Variants in GALNT17 observed in about 807,000 individuals in gnomAD.
GALNT17 encodes UDP-GalNAc:polypeptide N-acetylgalactosaminyltransferase-like 3.
Under a neutral mutation model 63.7 loss-of-function variants are expected in GALNT17, and 29 were observed. The observed-to-expected ratio is 0.46, with a 90% CI of 0.34 to 0.62. The LOEUF is 0.62. Among genes scored for constraint, GALNT17 ranks in the 20% least tolerant of loss-of-function variants. The probability of loss-of-function intolerance (pLI) is 0.01; values close to 1 mark genes in which losing one functional copy is unlikely to be tolerated. For synonymous variants in GALNT17, 305 were observed against 318.3 expected (o/e 0.96, Z 0.45); for missense variants, 603 against 799.6 (o/e 0.75, Z 2.97).
chr7:71,641,639 C>G (rs1380712754), intron 6 of GALNT17, among the ~76,000 whole-genome samples: 1 of 152,030 alleles, frequency 6.6e-6, no homozygotes, highest in Non-Finnish European at 1.5e-5. Context: ...AGGACCTAAT[C>G]ACCTCCCAAA....
chr7:71,507,199 A>C (rs188248551), intron 5 of GALNT17, among the ~76,000 whole-genome samples: 1 of 152,312 alleles, frequency 6.6e-6, no homozygotes, highest in East Asian at 1.9e-4. Flanking sequence ...ACACCACAGC[A>C]CTCCAGCCAG....
chr7:71,171,994 A>C (rs1311698847), intron 1 of GALNT17, among the ~76,000 whole-genome samples: 1 of 152,202 alleles, frequency 6.6e-6, no homozygotes, highest in Non-Finnish European at 1.5e-5. Flanking sequence ...CTTCAGGATT[A>C]ATTCTTTTCA....
Position 71,665,428 on chromosome 7 carries a change from C to T in GALNT17, c.1098C>T (p.Gly366=), listed in dbSNP as rs1790969868. Residue 366 remains glycine, a synonymous_variant, in exon 7 of 11, where the codon GGC becomes GGT. Transcript: ENST00000333538. The stretch of plus-strand genomic sequence containing the variant: ...ACCCCTAGGTATGGCTCTGTGGGGG[C>T]AGCATGGAGGTCCTTCCTTGCTCAC... ...ELGIKVWLCG[G]SMEVLPCSRV... is the part of the protein sequence containing the mutation. The T allele has an allele frequency of 1.2e-6, 2 of 1,610,810 alleles. No individual in the cohort carries two copies. Among genetic ancestry groups the T allele is most frequent in the South Asian group, 2.2e-5 (2 of 90,798 alleles).
intron 5 of GALNT17, among the ~76,000 whole-genome samples, chr7:71,428,978 C>T (rs535295171): frequency 2.6e-5 from 4 of 152,360 alleles, no homozygotes; most frequent in African/African-American, 4.8e-5. Flanking sequence ...ACTCTCGTCC[C>T]TCCCTTCAGG....
intron 1 of GALNT17, among the ~76,000 whole-genome samples, chr7:71,182,067 C>T (rs1244059765): frequency 6.6e-6 from 1 of 152,066 alleles, no homozygotes; most frequent in Non-Finnish European, 1.5e-5. Flanking sequence ...CTCAGCTACT[C>T]GGGAGGCTGA....
chr7:71,510,131 G>A (rs1172415837), intron 5 of GALNT17, among the ~76,000 whole-genome samples: 2 of 152,052 alleles, frequency 1.3e-5, no homozygotes, highest in African/African-American at 4.8e-5. Flanking sequence ...ATATTTTGTA[G>A]AGATGGGGCC....
At chr7:71,174,265 C>G (rs1190157883) in intron 1 of GALNT17, among the ~76,000 whole-genome samples, 2 of 152,136 alleles carry the variant, frequency 1.3e-5, no homozygotes, top group East Asian at 3.9e-4. Context: ...GTGTTGATAC[C>G]TTCATAGGTT....
At chr7:71,175,421 C>T (rs144857772) in intron 1 of GALNT17, among the ~76,000 whole-genome samples, 1 of 152,170 alleles carries the variant, frequency 6.6e-6, no homozygotes, top group Non-Finnish European at 1.5e-5. Flanking sequence ...TCTGTATCAT[C>T]TATCTATCTT....
intron 6 of GALNT17, among the ~76,000 whole-genome samples, chr7:71,609,425 C>T (rs1266586130): frequency 6.6e-6 from 1 of 152,126 alleles, no homozygotes; most frequent in African/African-American, 2.4e-5. Flanking sequence ...ATGCATCAGG[C>T]GAATGGGAGT....
At chr7:71,327,734 G>T (rs1487510554) in intron 1 of GALNT17, among the ~76,000 whole-genome samples, 1 of 152,110 alleles carries the variant, frequency 6.6e-6, no homozygotes, top group Non-Finnish European at 1.5e-5. Flanking sequence ...ATGACCCCAG[G>T]GCTAGCAACA....
intron 1 of GALNT17, among the ~76,000 whole-genome samples, chr7:71,212,820 A>T (rs558324070): frequency 6.6e-6 from 1 of 152,102 alleles, no homozygotes; most frequent in Admixed American, 6.5e-5. Context: ...AATTTCTCCC[A>T]TTTGGAACAG....
chr7:71,596,893 A>G (rs964561849), intron 6 of GALNT17, among the ~76,000 whole-genome samples: 1 of 152,042 alleles, frequency 6.6e-6, no homozygotes, highest in Admixed American at 6.6e-5. Flanking sequence ...TGTGTACAAC[A>G]AAATGACAGA....
intron 1 of GALNT17, among the ~76,000 whole-genome samples, chr7:71,261,522 A>G (rs932386886): frequency 6.6e-6 from 1 of 152,224 alleles, no homozygotes; most frequent in Admixed American, 6.5e-5. Flanking sequence ...TAGAAGTGTC[A>G]AGAGATGCAT....
intron 2 of GALNT17, among the ~76,000 whole-genome samples, chr7:71,383,314 C>T (rs959983369): frequency 6.6e-6 from 1 of 152,160 alleles, no homozygotes; most frequent in Non-Finnish European, 1.5e-5. Context: ...CATAAAATGA[C>T]ATAATATTTG....
chr7:71,303,731 T>A (rs3923569), intron 1 of GALNT17, among the ~76,000 whole-genome samples: 103,064 of 151,782 alleles, frequency 0.68, 35,209 homozygotes, highest in Middle Eastern at 0.74. Flanking sequence ...TGGGCTGGAC[T>A]CCCCTCTAAA....
At chr7:71,141,690 T>A in intron 1 of GALNT17, among the ~76,000 whole-genome samples, 1 of 151,152 alleles carries the variant, frequency 6.6e-6, no homozygotes, top group East Asian at 1.9e-4. Context: ...TTTTTTTTTT[T>A]TTTTGAAACA....
At chr7:71,602,342 C>T (rs2116936538) in intron 6 of GALNT17, among the ~76,000 whole-genome samples, 1 of 152,276 alleles carries the variant, frequency 6.6e-6, no homozygotes, top group Admixed American at 6.5e-5. Context: ...GATTCCAGTC[C>T]TGTTGCTGCA....
intron 5 of GALNT17, among the ~76,000 whole-genome samples, chr7:71,531,040 C>A (rs1321188315): frequency 7.1e-6 from 1 of 140,650 alleles, no homozygotes; most frequent in Non-Finnish European, 1.5e-5. Context: ...GCACAACTCA[C>A]TGAATCTTTA....
intron 1 of GALNT17, among the ~76,000 whole-genome samples, chr7:71,292,666 A>AGTGT (rs748111147): frequency 1.4e-3 from 169 of 117,080 alleles, no homozygotes; most frequent in South Asian, 0.014. Flanking sequence ...AGAGAGAGAG[A>AGTGT]GAGTGTGTGT....
Sources: gnomAD v4.1 joint callset for allele counts (sites outside exome capture counted in the v4.1 genomes callset) on GRCh38, gnomAD v4.1.1 for gene constraint, MANE v1.5 for transcripts, NCBI Gene and HGNC (gene_info 2026-07-23, HGNC 2026-07-21) for gene names.